The following ZNF684 variants were observed in gnomAD, a reference collection of about 807,000 sequenced individuals.
ZNF684 encodes the protein zinc finger protein 684.
ZNF684 carries 13 observed loss-of-function variants against 12.8 expected under a neutral mutation model. The ratio of observed to expected loss-of-function variants is 1.02; its 90% CI spans 0.66 to 1.62. The LOEUF (loss-of-function observed/expected upper bound fraction) is 1.62, where lower values mean the gene tolerates loss of function less well. Ranked by LOEUF, ZNF684 falls within the 40% of genes most tolerant of loss-of-function variation. ZNF684 has a pLI of 0.00. For synonymous variants in ZNF684, 118 were observed against 151.8 expected (o/e 0.78, Z 1.64); for missense variants, 384 against 446.9 (o/e 0.86, Z 1.27).
intron 4 of ZNF684, among the ~76,000 whole-genome samples, chr1:40,545,918 T>C (rs1255554393): frequency 2.6e-5 from 3 of 116,634 alleles, no homozygotes; most frequent in Admixed American, 8.1e-5. Context: ...TCCTTTTCTT[T>C]TTTTTTTTTT....
At chr1:40,546,191 G>T (rs1029372374) in intron 4 of ZNF684, among the ~76,000 whole-genome samples, 5 of 152,130 alleles carry the variant, frequency 3.3e-5, no homozygotes, top group Non-Finnish European at 7.4e-5. Context: ...AAAGTGCTGG[G>T]GTTACAGGCG....
rs1646056485 is a variant in ZNF684, at chr1:40,547,567, G to T, written c.*107G>T. The T allele has an allele frequency of 4.6e-6, 5 of 1,096,686 alleles. No individual in the cohort carries two copies. Among genetic ancestry groups the T allele is most frequent in the Non-Finnish European group, 6.2e-6 (5 of 805,338 alleles). 67.9% of individuals were successfully genotyped at this position (1,096,686 alleles called of 1,614,324 possible). A position where few individuals can be genotyped will look rare whatever the true frequency, so the allele number is the denominator to read the frequency against. On this transcript the variant is annotated 3_prime_UTR_variant, in exon 5 of 5. Coordinates refer to ENST00000372699, the MANE Select transcript of ZNF684 (RefSeq NM_152373.4). ...CTACAATTTAAATGAATTTGGAAGA[G>T]TAGATTCCCATAAAAAACAACCAAT...
Position 40,547,183 on chromosome 1 carries a change from A to T in ZNF684, c.860A>T (p.Tyr287Phe), listed in dbSNP as rs150080991. 2 of 1,614,122 alleles carry T rather than the reference A, an allele frequency of 1.2e-6. No homozygotes were observed. The highest frequency in any genetic ancestry group is 1.7e-6 in the Non-Finnish European group (2 of 1,180,060). ...ACCTTCAGGTATAGTTCATCCCTTT[A>T]TAAACATTCCAGATTTCATACAGGA... ...GKTFRYSSSL[Y>F]KHSRFHTGEK... The change falls in exon 5 of 5, where the codon TAT becomes TTT. Residue 287 changes from tyrosine (Y) to phenylalanine (F), a missense_variant. By Grantham distance (22) the Tyr-to-Phe change is conservative. Coordinates refer to ENST00000372699, the MANE Select transcript of ZNF684 (RefSeq NM_152373.4).
At chr1:40,539,091 G>T (rs974782775) in intron 2 of ZNF684, among the ~76,000 whole-genome samples, 1 of 151,234 alleles carries the variant, frequency 6.6e-6, no homozygotes, top group Non-Finnish European at 1.5e-5. Context: ...GTGCAGTGGC[G>T]CAATCTCGGC....
intron 2 of ZNF684, among the ~76,000 whole-genome samples, chr1:40,535,967 G>T (rs976782512): frequency 6.6e-6 from 1 of 152,154 alleles, no homozygotes; most frequent in Non-Finnish European, 1.5e-5. Context: ...GCCAGTCCAT[G>T]GGTTACAGTT....
At chr1:40,537,721 C>T (rs963941541) in intron 2 of ZNF684, among the ~76,000 whole-genome samples, 2 of 151,130 alleles carry the variant, frequency 1.3e-5, no homozygotes, top group Non-Finnish European at 2.9e-5. Flanking sequence ...CCAGCCTGGG[C>T]GACAGAGCAA....
rs146560433 is a variant in ZNF684 at position 40,546,727 on chromosome 1, C to T, written c.404C>T (p.Ser135Leu). The change falls in exon 5 of 5, where the codon TCG becomes TTG. Residue 135 changes from serine to leucine, a missense_variant. Ser to Leu is a moderately radical substitution (Grantham distance 145, BLOSUM62 -2). Transcript: ENST00000372699. The part of the protein sequence containing the change: ...LNPMRKKSYK[S>L]FEKCLPPNLD... ...CCAATGAGAAAAAAATCATATAAAT[C>T]GTTTGAGAAGTGTTTGCCACCTAAT... 28 of 1,613,806 alleles carry T rather than the reference C, an allele frequency of 1.7e-5. No individual in the cohort carries two copies. In the African/African-American group the frequency reaches 2.8e-4, roughly 16 times the overall value.
intron 2 of ZNF684, among the ~76,000 whole-genome samples, chr1:40,534,161 G>A (rs944333257): frequency 6.6e-6 from 1 of 151,086 alleles, no homozygotes; most frequent in African/African-American, 2.4e-5. Flanking sequence ...AAACTTAATA[G>A]GTTAATTTGG....
At chr1:40,539,499 T>C (rs989539496) in intron 2 of ZNF684, among the ~76,000 whole-genome samples, 1 of 152,002 alleles carries the variant, frequency 6.6e-6, no homozygotes, top group Non-Finnish European at 1.5e-5. Flanking sequence ...CAAGACCCTA[T>C]ATCAAATAAA....
At chr1:40,542,232 G>C (rs559421193) in intron 4 of ZNF684, among the ~76,000 whole-genome samples, 2 of 152,082 alleles carry the variant, frequency 1.3e-5, no homozygotes, top group Non-Finnish European at 2.9e-5. Flanking sequence ...ACTTCAAATA[G>C]TTGGCAGATA....
At chr1:40,534,866 A>G (rs766494058) in intron 2 of ZNF684, among the ~76,000 whole-genome samples, 8 of 151,970 alleles carry the variant, frequency 5.3e-5, no homozygotes, top group Admixed American at 1.3e-4. Flanking sequence ...GATGGCACAC[A>G]CCTGTAGTTC....
intron 2 of ZNF684, among the ~76,000 whole-genome samples, chr1:40,535,089 G>A (rs796520708): frequency 1.0e-3 from 153 of 152,252 alleles, no homozygotes; most frequent in African/African-American, 3.5e-3. Flanking sequence ...TATTTCTTAG[G>A]TAGACAATCA....
At chr1:40,533,366 C>T (rs928065365) in intron 2 of ZNF684, among the ~76,000 whole-genome samples, 185 bp downstream of exon 2, 1 of 152,188 alleles carries the variant, frequency 6.6e-6, no homozygotes, top group Non-Finnish European at 1.5e-5. Flanking sequence ...ATTTGAGCTG[C>T]AAATGTGTAC....
chr1:40,541,845 C>T, intron 4 of ZNF684, 135 bp downstream of exon 4: 1 of 665,072 alleles, frequency 1.5e-6, no homozygotes, highest in Non-Finnish European at 2.6e-6. Context: ...CATCAGCCAG[C>T]TCCCCAAAAG....
intron 4 of ZNF684, 146 bp downstream of exon 4, chr1:40,541,856 C>T: frequency 1.6e-6 from 1 of 614,100 alleles, no homozygotes; most frequent in Non-Finnish European, 2.9e-6. Flanking sequence ...TCCCCAAAAG[C>T]TGCCTTCACC....
At chr1:40,541,341 G>A (rs543640245) in intron 3 of ZNF684, 29 of 236,820 alleles carry the variant, frequency 1.2e-4, no homozygotes, top group African/African-American at 5.3e-4. Flanking sequence ...CTGCTACCAC[G>A]CCCGGCTAAT....
intron 4 of ZNF684, 65 bp from the exon 5 acceptor site, chr1:40,546,497 G>A (rs191171231): frequency 2.8e-6 from 4 of 1,419,222 alleles, no homozygotes; most frequent in East Asian, 4.8e-5. Flanking sequence ...AATTATAGAC[G>A]TTTTTCTCTA....
intron 4 of ZNF684, among the ~76,000 whole-genome samples, chr1:40,546,284 T>C (rs1243475926): frequency 6.6e-6 from 1 of 152,214 alleles, no homozygotes; most frequent in East Asian, 1.9e-4. Flanking sequence ...CTTCTTCATT[T>C]TATGAGCTAA....
rs750874067 is a variant in ZNF684 at position 40,547,166 on chromosome 1, G to T, written c.843G>T (p.Arg281Ser). 14 of 1,614,024 alleles carry T rather than the reference G, an allele frequency of 8.7e-6. No homozygotes were observed. The highest frequency in any genetic ancestry group is 1.2e-5 in the Non-Finnish European group (14 of 1,180,042). The part of the protein sequence containing the change: ...FECKECGKTF[R>S]YSSSLYKHSR... ...GTAAGGAATGTGGGAAAACCTTCAG[G>T]TATAGTTCATCCCTTTATAAACATT... The change falls in exon 5 of 5, where the codon AGG (arginine) becomes AGT (serine). Residue 281 changes from arginine (R) to serine (S), a missense_variant. Transcript: ENST00000372699.
Sources: allele counts gnomAD v4.1 joint callset (sites outside exome capture counted in the v4.1 genomes callset), GRCh38; gene constraint gnomAD v4.1.1; transcripts MANE v1.5; gene names NCBI Gene and HGNC (gene_info 2026-07-23, HGNC 2026-07-21).